DUOX2: variants seen among roughly 807,000 people sequenced by gnomAD.
The protein encoded by DUOX2 is dual oxidase 2, also known as NADH/NADPH thyroid oxidase p138-tox.
DUOX2 carries 185 observed loss-of-function variants against 183.3 expected under a neutral mutation model. The observed-to-expected ratio is 1.01, with a 90% CI of 0.90 to 1.14. The LOEUF is 1.14. Among genes scored for constraint, DUOX2 ranks in the 50% most tolerant of loss-of-function variants. DUOX2 has a pLI of 0.00. For missense variants in DUOX2, 1,999 were observed against 2,022.9 expected, an observed-to-expected ratio of 0.99 and a Z score of 0.23; for synonymous variants, 788 against 812.4, an observed-to-expected ratio of 0.97 and a Z score of 0.51.
At position 45,100,204 on chromosome 15, in the gene DUOX2, C is replaced by T; in HGVS notation, c.3030G>A (p.Leu1010=). 1 of 1,613,952 alleles carries T rather than the reference C, an allele frequency of 6.2e-7. No individual in the cohort carries two copies. Among genetic ancestry groups the T allele is most frequent in the Non-Finnish European group, 8.5e-7 (1 of 1,180,020 alleles). ...GKKAAVPTPR[L]YTEALQEKMQ... Reference sequence around the variant, plus strand: ...TCTTCTCTTGCAGCGCCTCTGTGTACAGCCGGGGAGTGGGCACTGCTGCCC... The same window carrying T: ...TCTTCTCTTGCAGCGCCTCTGTGTATAGCCGGGGAGTGGGCACTGCTGCCC... Residue 1010 remains leucine, a synonymous_variant, in exon 24 of 34, where the codon CTG becomes CTA. Transcript: ENST00000389039.
chr15:45,104,105 A>G (rs2141148925), intron 19 of DUOX2, 35 bp downstream of exon 19: 2 of 1,614,056 alleles, frequency 1.2e-6, no homozygotes, highest in East Asian at 2.2e-5. Flanking sequence ...AGACCCCTGG[A>G]TTCTTGGATA....
intron 32 of DUOX2, 98 bp downstream of exon 32, chr15:45,094,838 C>T: frequency 6.3e-7 from 1 of 1,595,902 alleles, no homozygotes; most frequent in Non-Finnish European, 8.6e-7. Flanking sequence ...CTCCTGCCAG[C>T]TCAGCCTGGC....
intron 21 of DUOX2, 148 bp downstream of exon 21, chr15:45,101,645 A>T: frequency 2.0e-6 from 2 of 1,008,080 alleles, no homozygotes; most frequent in South Asian, 1.5e-5. Flanking sequence ...TTGCACACCT[A>T]CATGTGCCAT....
intron 3 of DUOX2, 45 bp downstream of exon 3, chr15:45,112,942 C>T (rs771314467): frequency 5.6e-6 from 9 of 1,605,928 alleles, no homozygotes; most frequent in Middle Eastern, 3.6e-4. Flanking sequence ...CGCCCCGGCC[C>T]TTCGCGAGCC....
At position 45,109,617 on chromosome 15, in the gene DUOX2, G is replaced by A. The variant is rs764322804; in HGVS notation, c.1141C>T (p.Leu381=). Residue 381 remains leucine (L), a synonymous_variant, in exon 11 of 34, where the codon CTG becomes TTG. Transcript: ENST00000389039. ...NNYWIRENPN[L]NSTQEVNELL... is the part of the protein sequence containing the mutation. ...TCATTCACCTCCTGGGTACTGTTCA[G>A]ATTGGGGTTCTGGAAGTAAACAATG... The A allele has an allele frequency of 6.2e-7, 1 of 1,614,028 alleles. No individual in the cohort carries two copies. Among genetic ancestry groups the A allele is most frequent in the African/African-American group, 1.3e-5 (1 of 74,908 alleles).
chr15:45,099,971 T>G, intron 24 of DUOX2, 79 bp from the exon 25 acceptor site: 2 of 1,612,324 alleles, frequency 1.2e-6, no homozygotes, highest in Non-Finnish European at 1.7e-6. Context: ...TGCAGACTCT[T>G]AGGATCAGAG....
At chr15:45,101,756 C>T in intron 21 of DUOX2, 37 bp downstream of exon 21, 1 of 1,613,880 alleles carries the variant, frequency 6.2e-7, no homozygotes, top group Non-Finnish European at 8.5e-7. Flanking sequence ...AGGACACGCC[C>T]CCCCTCCCTG....
chr15:45,100,396 C>G (rs930571142), intron 23 of DUOX2, 168 bp from the exon 24 acceptor site: 1 of 649,100 alleles, frequency 1.5e-6, no homozygotes, highest in African/African-American at 1.8e-5. Flanking sequence ...CCCTTTACTT[C>G]TGTCTTTGCT....
At chr15:45,113,865 G>T in intron 1 of DUOX2, 108 bp downstream of exon 1, 1 of 224,342 alleles carries the variant, frequency 4.5e-6, no homozygotes, top group Non-Finnish European at 9.1e-6. Context: ...AGGGACTGCA[G>T]CACCCTTCCA....
In DUOX2 at chr15:45,101,788, C is replaced by T. The variant is rs1266400395; in HGVS notation, c.2851+5G>A. ...CCTGACGCCAACCATTCCTCACACACTCACCATTTCCACCTCCACCTCCAC... is the reference window on the plus strand; with the variant it reads ...CCTGACGCCAACCATTCCTCACACATTCACCATTTCCACCTCCACCTCCAC... On this transcript the variant is annotated splice_donor_5th_base_variant and intron_variant, in intron 21 of 33. Transcript: ENST00000389039. 1.2e-6 allele frequency: 2 copies of T among 1,614,230 alleles called. No individual in the cohort carries two copies. The highest frequency in any genetic ancestry group is 1.7e-6 in the Non-Finnish European group (2 of 1,180,040).
In DUOX2 at chr15:45,093,931, A is replaced by G. The variant is rs1419047540; in HGVS notation, c.*219T>C. On this transcript the variant is annotated 3_prime_UTR_variant, in exon 34 of 34. Coordinates refer to ENST00000389039, the MANE Select transcript of DUOX2 (RefSeq NM_001363711.2). ...GTGCCGTTGATAAACAGGTGGACTTATAATCATCATGCACTGCAATTGTAG... is the reference window on the plus strand; with the variant it reads ...GTGCCGTTGATAAACAGGTGGACTTGTAATCATCATGCACTGCAATTGTAG... 18 of 604,058 alleles carry G rather than the reference A, an allele frequency of 3.0e-5. No individual in the cohort carries two copies. In the East Asian group the frequency reaches 5.2e-4, roughly 17 times the overall value. The allele number at this position is 604,058 out of a possible 1,614,324, so 37.4% of individuals were successfully genotyped here.
At position 45,093,844 on chromosome 15, in the gene DUOX2, T is replaced by A; in HGVS notation, c.*306A>T. 2.5e-6 allele frequency: 1 copy of A among 392,242 alleles called. No homozygotes were observed. Among genetic ancestry groups the A allele is most frequent in the East Asian group, 5.8e-5 (1 of 17,388 alleles). The allele number at this position is 392,242 out of a possible 1,614,324, so 24.3% of individuals were successfully genotyped here. ...GGTGAGGAGTGGTCTTTATCTTCTT[T>A]GGGAGATCCTGACTGGTTGCGCACT... On this transcript the variant is annotated 3_prime_UTR_variant, in exon 34 of 34. Coordinates refer to ENST00000389039, the MANE Select transcript of DUOX2 (RefSeq NM_001363711.2).
intron 12 of DUOX2, chr15:45,108,509 G>A (rs1257435573): frequency 1.7e-6 from 1 of 600,446 alleles, no homozygotes; most frequent in East Asian, 2.9e-5. Flanking sequence ...AGCCCTTGGG[G>A]TGGGACCCTG....
chr15:45,106,233 A>G lies in DUOX2; in HGVS notation c.2040T>C (p.Thr680=). Residue 680 remains threonine (T), a synonymous_variant, in exon 17 of 34, where the codon ACT becomes ACC. Transcript: ENST00000389039. ...RCLQVLNRHL[T]VLRVVQLQPL... is the part of the protein sequence containing the mutation. ...GCTGCAGCTGGACCACACGGAGCACAGTGAGATGCCTGTTCAGGACCTGCA... is the reference window on the plus strand; with the variant it reads ...GCTGCAGCTGGACCACACGGAGCACGGTGAGATGCCTGTTCAGGACCTGCA... 1 of 1,614,154 alleles carries G rather than the reference A, an allele frequency of 6.2e-7. No homozygotes were observed. The highest frequency in any genetic ancestry group is 8.5e-7 in the Non-Finnish European group (1 of 1,180,012).
intron 33 of DUOX2, 26 bp from the exon 34 acceptor site, chr15:45,094,298 G>C (rs1368714139): frequency 3.1e-6 from 5 of 1,613,898 alleles, no homozygotes; most frequent in Non-Finnish European, 4.2e-6. Flanking sequence ...AGAGAGAGAG[G>C]GGCCTGCAGC....
rs749104919 is a variant in DUOX2 at position 45,107,351 on chromosome 15, G to A, written c.1687C>T (p.His563Tyr). 7 of 1,614,096 alleles carry A rather than the reference G, an allele frequency of 4.3e-6. No homozygotes were observed. The highest frequency in any genetic ancestry group is 8.5e-7 in the Non-Finnish European group (1 of 1,180,042). ...GTTCTCCCACGGCACTCACCTTTAT[G>A]CCAGACAAAGACATTGGGCTGCAGG... ...SALQPNVFVW[H>Y]KGAPCPQPKQ... Residue 563 changes from histidine to tyrosine, a missense_variant, in exon 14 of 34, where the codon CAT becomes TAT. This residue lies in a region of DUOX2 where 1,628 missense variants were observed against 1,608.6 expected (regional missense o/e 1.01). Transcript: ENST00000389039.
At chr15:45,107,026 C>A in intron 14 of DUOX2, 57 bp from the exon 15 acceptor site, 1 of 1,552,772 alleles carries the variant, frequency 6.4e-7, no homozygotes, top group Non-Finnish European at 8.7e-7. Context: ...TGTGGCCAGA[C>A]CTCTTTCCCC....
rs749788680 is a variant in DUOX2, at chr15:45,096,033, G to A, written c.3875C>T (p.Pro1292Leu). ...SGVTYLQFQR[P>L]QGFEYKSGQW... is the part of the protein sequence containing the mutation. The stretch of plus-strand genomic sequence containing the variant: ...TCCTGACTTGTACTCAAAGCCTTGG[G>A]GCCTCTGGAATTGCAGGTAGGTCAC... Residue 1292 changes from proline (P) to leucine (L), a missense_variant, in exon 30 of 34, where the codon CCC (proline) becomes CTC (leucine). By Grantham distance (98) the Pro-to-Leu change is moderately conservative. Coordinates refer to ENST00000389039, the MANE Select transcript of DUOX2 (RefSeq NM_001363711.2). 4 of 1,614,014 alleles carry A rather than the reference G, an allele frequency of 2.5e-6. No homozygotes were observed. The highest frequency in any genetic ancestry group is 1.3e-5 in the African/African-American group (1 of 74,902).
rs149535976 is a variant in DUOX2 at position 45,094,683 on chromosome 15, G to T, written c.4404C>A (p.Cys1468Ter). Residue 1468 changes from cysteine to a stop codon, truncating the protein, a stop_gained, in exon 33 of 34, where the codon TGC (cysteine) becomes TGA (stop). Coordinates refer to ENST00000389039, the MANE Select transcript of DUOX2 (RefSeq NM_001363711.2). LOFTEE classifies it high-confidence loss of function. ...FDLRTTMLYI[C>*]ERHFQKVLNR... is the part of the protein sequence containing the mutation. ...TCAGCACTTTCTGGAAGTGCCGCTC[G>T]CAGATGTACTGGGGGCACAGGGGCA... The T allele has an allele frequency of 6.2e-7, 1 of 1,614,006 alleles. No homozygotes were observed. The highest frequency in any genetic ancestry group is 1.1e-5 in the South Asian group (1 of 91,046).
Sources: gnomAD v4.1 joint callset for allele counts on GRCh38, gnomAD v4.1.1 for gene constraint, gnomAD v4.1.1 regional missense constraint, MANE v1.5 for transcripts, NCBI Gene and HGNC (gene_info 2026-07-23, HGNC 2026-07-21) for gene names.